Variants in EXOSC10 observed in about 807,000 individuals in gnomAD.
EXOSC10 encodes exosome complex component 10.
Under a neutral mutation model 126.6 loss-of-function variants are expected in EXOSC10, and 94 were observed. That is an observed-to-expected ratio of 0.74 (90% CI 0.63 to 0.88). The LOEUF is 0.88. Ranked by LOEUF, EXOSC10 falls within the 40% of genes least tolerant of loss-of-function variation. The probability of loss-of-function intolerance (pLI) is 0.00; values close to 1 mark genes in which losing one functional copy is unlikely to be tolerated. For synonymous variants in EXOSC10, 395 were observed against 400.8 expected (o/e 0.99, Z 0.17); for missense variants, 1,041 against 1,100.5 (o/e 0.95, Z 0.77).
chr1:11,096,915 TA>T (rs1641130378), intron 2 of EXOSC10, among the ~76,000 whole-genome samples: 2 of 151,720 alleles, frequency 1.3e-5, no homozygotes, highest in Admixed American at 6.6e-5. Flanking sequence ...CCATCTCTAC[TA>T]AAAATACAAA....
At chr1:11,098,710 C>T (rs546335212) in intron 1 of EXOSC10, among the ~76,000 whole-genome samples, 28 of 152,094 alleles carry the variant, frequency 1.8e-4, no homozygotes, top group South Asian at 1.2e-3. Context: ...GATCCTTGGA[C>T]GACAAATTTA....
intron 21 of EXOSC10, among the ~76,000 whole-genome samples, chr1:11,070,003 A>C (rs968301980): frequency 4.6e-5 from 7 of 152,130 alleles, no homozygotes; most frequent in Non-Finnish European, 8.8e-5. Context: ...TGGGCGGCCT[A>C]GGTGGGAGGA....
At position 11,077,632 on chromosome 1, in the gene EXOSC10, A is replaced by T. The variant is rs1300371800; in HGVS notation, c.1769T>A (p.Val590Glu). The T allele has an allele frequency of 6.2e-7, 1 of 1,610,182 alleles. No homozygotes were observed. The highest frequency in any genetic ancestry group is 8.5e-7 in the Non-Finnish European group (1 of 1,176,924). Residue 590 changes from valine (V) to glutamate (E), a missense_variant, in exon 15 of 25, where the codon GTG (valine) becomes GAG (glutamate). This residue lies in a region of EXOSC10 where 388 missense variants were observed against 415.2 expected (regional missense o/e 0.93). Transcript: ENST00000376936. ...PLLKSEVAAG[V>E]KKSGPLPSAE... ...ACTGGGCAGCGGTCCGCTCTTCTTC[A>T]CTCCGGCTGCAACTTCAGACTAAGG...
intron 20 of EXOSC10, chr1:11,071,236 C>T: frequency 2.2e-6 from 1 of 460,430 alleles, no homozygotes; most frequent in Non-Finnish European, 3.8e-6. Flanking sequence ...GCTCAGTGGC[C>T]TGTGGACCTG....
intron 3 of EXOSC10, among the ~76,000 whole-genome samples, chr1:11,092,278 G>A (rs1036858647): frequency 1.3e-5 from 2 of 151,912 alleles, no homozygotes; most frequent in Non-Finnish European, 2.9e-5. Flanking sequence ...GTGTAATGGC[G>A]TGATCTCAGC....
rs532347560 is a variant in EXOSC10 at position 11,077,562 on chromosome 1, T to G, written c.1800+39A>C. 4.2e-4 allele frequency: 676 copies of G among 1,613,400 alleles called. 10 individuals carry two copies. The South Asian group carries it at 6.2e-3, about 15-fold the overall frequency. On this transcript the variant is annotated intron_variant, in intron 15 of 24. Coordinates refer to ENST00000376936, the MANE Select transcript of EXOSC10 (RefSeq NM_001001998.3). ...TACTTGCACTGGCTGTGACTTGACG[T>G]TTTCCCTCCTGGGGGAGAAAACAGA... is the stretch of plus-strand genomic sequence containing the variant.
chr1:11,068,733 T>A, intron 22 of EXOSC10, 27 bp from the exon 23 acceptor site: 1 of 1,589,766 alleles, frequency 6.3e-7, no homozygotes, highest in Non-Finnish European at 8.6e-7. Flanking sequence ...GAGAGAGACC[T>A]GCGGTCAGGT....
chr1:11,076,114 G>A (rs1188956773), intron 17 of EXOSC10, among the ~76,000 whole-genome samples: 3 of 151,656 alleles, frequency 2.0e-5, no homozygotes, highest in Non-Finnish European at 2.9e-5. Flanking sequence ...GCAGTGAGCC[G>A]AGATGATGCC....
At chr1:11,079,083 C>A (rs1460536747) in intron 14 of EXOSC10, among the ~76,000 whole-genome samples, 1 of 152,092 alleles carries the variant, frequency 6.6e-6, no homozygotes, top group East Asian at 1.9e-4. Flanking sequence ...GTAATCCCAG[C>A]ACTTTGGGAG....
chr1:11,068,660 CTGTT>C lies in EXOSC10; in HGVS notation c.2531_2534del (p.Lys844ArgfsTer?). 6.2e-7 allele frequency: 1 copy of C among 1,614,172 alleles called. No homozygotes were observed. The highest frequency in any genetic ancestry group is 8.5e-7 in the Non-Finnish European group (1 of 1,180,004). ...CAGTTCTTACCTTGCCAGACGGGGT[CTGTT>C]TATTTGGATCAAACTGAGAAGAAAC... On this transcript the variant is annotated frameshift_variant, in exon 23 of 25. Coordinates refer to ENST00000376936, the MANE Select transcript of EXOSC10 (RefSeq NM_001001998.3). LOFTEE classifies it high-confidence loss of function.
In EXOSC10 at chr1:11,081,236, G is replaced by C; in HGVS notation, c.1283C>G (p.Pro428Arg). 2 of 1,614,142 alleles carry C rather than the reference G, an allele frequency of 1.2e-6. No individual in the cohort carries two copies. Among genetic ancestry groups the C allele is most frequent in the Non-Finnish European group, 1.7e-6 (2 of 1,179,988 alleles). The change falls in exon 11 of 25, where the codon CCT becomes CGT. Residue 428 changes from proline to arginine, a missense_variant and splice_region_variant. By Grantham distance (103) the Pro-to-Arg change is moderately radical. Coordinates refer to ENST00000376936, the MANE Select transcript of EXOSC10 (RefSeq NM_001001998.3). The part of the protein sequence containing the change: ...QYQLADWRIR[P>R]LPEEMLSYAR... ...GTAGCTGAGCATCTCCTCGGGCAGA[G>C]GGCTGGAATTGCAGAGGACAATGTT...
In EXOSC10 at chr1:11,077,422, CA is replaced by C; in HGVS notation, c.1821del (p.Phe607LeufsTer46). The C allele has an allele frequency of 6.2e-7, 1 of 1,614,042 alleles. No homozygotes were observed. ...PSAERLENVL[F>X]GPHDCSHAPP... The stretch of plus-strand genomic sequence containing the variant: ...GGGGCATGGGAGCAGTCGTGAGGTC[CA>C]AAGAGAACATTCTCCAATCTCTGCA... On this transcript the variant is annotated frameshift_variant, in exon 16 of 25. Transcript: ENST00000376936. LOFTEE classifies it high-confidence loss of function.
intron 20 of EXOSC10, 200 bp downstream of exon 20, chr1:11,071,887 C>T (rs1639519515): frequency 1.9e-6 from 1 of 538,882 alleles, no homozygotes; most frequent in African/African-American, 1.9e-5. Flanking sequence ...GCTACAGCAC[C>T]TCCAGCACTC....
At chr1:11,077,844 A>G (rs1639906953) in intron 14 of EXOSC10, among the ~76,000 whole-genome samples, 193 bp from the exon 15 acceptor site, 1 of 152,104 alleles carries the variant, frequency 6.6e-6, no homozygotes, top group African/African-American at 2.4e-5. Flanking sequence ...GTAGAATGAA[A>G]GAATAAAGCT....
chr1:11,066,949 G>A (rs1026063326), intron 24 of EXOSC10, among the ~76,000 whole-genome samples: 2 of 152,166 alleles, frequency 1.3e-5, no homozygotes, highest in Non-Finnish European at 2.9e-5. Flanking sequence ...TCCTGCCCTC[G>A]GGCAAGTCCC....
At chr1:11,088,703 T>C (rs936525636) in intron 6 of EXOSC10, among the ~76,000 whole-genome samples, 1 of 152,234 alleles carries the variant, frequency 6.6e-6, no homozygotes, top group Admixed American at 6.5e-5. Flanking sequence ...ATGGCCTTTG[T>C]TTCTCCAGCA....
chr1:11,083,501 G>A (rs1640292355), intron 9 of EXOSC10, among the ~76,000 whole-genome samples: 1 of 141,528 alleles, frequency 7.1e-6, no homozygotes, highest in African/African-American at 2.7e-5. Context: ...GGCAGAGGTT[G>A]CAGTGAGCCG....
intron 9 of EXOSC10, among the ~76,000 whole-genome samples, chr1:11,087,020 T>A (rs888821168): frequency 6.6e-6 from 1 of 152,224 alleles, no homozygotes; most frequent in Non-Finnish European, 1.5e-5. Flanking sequence ...AAAAAATTAA[T>A]GAATCCAGGA....
chr1:11,077,862 A>G (rs1301614766), intron 14 of EXOSC10, among the ~76,000 whole-genome samples: 1 of 152,216 alleles, frequency 6.6e-6, no homozygotes, highest in East Asian at 1.9e-4. Context: ...GCTCTTTAAC[A>G]TGACTAAGCA....
Sources: allele counts gnomAD v4.1 joint callset (sites outside exome capture counted in the v4.1 genomes callset), GRCh38; gene constraint gnomAD v4.1.1; regional missense constraint gnomAD v4.1.1; transcripts MANE v1.5; gene names NCBI Gene and HGNC (gene_info 2026-07-23, HGNC 2026-07-21).